Variants in MAGT1 observed in about 807,000 individuals in gnomAD.
MAGT1 encodes the protein magnesium transporter 1.
Under a neutral mutation model 28.4 loss-of-function variants are expected in MAGT1, and 4 were observed. The ratio of observed to expected loss-of-function variants is 0.14; its 90% CI spans 0.07 to 0.32. MAGT1 has a LOEUF of 0.32. MAGT1 is among the 10% of genes least tolerant of loss of function. The probability of loss-of-function intolerance (pLI) is 1.00; values close to 1 mark genes in which losing one functional copy is unlikely to be tolerated. For synonymous variants in MAGT1, 89 were observed against 89.7 expected (o/e 0.99, Z 0.04); for missense variants, 193 against 264.5 (o/e 0.73, Z 1.88).
intron 1 of MAGT1, among the ~76,000 whole-genome samples, chrX:77,887,815 A>G (rs1051891847): frequency 8.9e-6 from 1 of 112,235 alleles, no homozygotes; most frequent in Non-Finnish European, 1.9e-5. Context: ...TTTCCCGCTA[A>G]TAGTTTTTTT....
At chrX:77,889,947 C>T (rs1603365407) in intron 1 of MAGT1, among the ~76,000 whole-genome samples, 1 of 112,225 alleles carries the variant, frequency 8.9e-6, no homozygotes, top group African/African-American at 3.2e-5. Flanking sequence ...CCACCCCCAG[C>T]TTCTGGTAGC....
chrX:77,882,167 T>C (rs2077054632), intron 1 of MAGT1, among the ~76,000 whole-genome samples: 1 of 111,964 alleles, frequency 8.9e-6, no homozygotes, highest in Admixed American at 9.6e-5. Flanking sequence ...AAGAGCTATT[T>C]ATGACAAACC....
intron 3 of MAGT1, among the ~76,000 whole-genome samples, chrX:77,862,809 T>C (rs1217932375): frequency 9.0e-6 from 1 of 111,586 alleles, no homozygotes; most frequent in Non-Finnish European, 1.9e-5. Flanking sequence ...CTTTCTCTAA[T>C]AAATCTGCCT....
chrX:77,841,716 C>T (rs2076935262), intron 7 of MAGT1, among the ~76,000 whole-genome samples: 1 of 106,530 alleles, frequency 9.4e-6, no homozygotes, highest in Non-Finnish European at 1.9e-5. Flanking sequence ...GGCTCTGTCA[C>T]CCAGGCTGGA....
intron 8 of MAGT1, among the ~76,000 whole-genome samples, chrX:77,834,604 G>A (rs1039176912): frequency 1.8e-5 from 2 of 110,383 alleles, no homozygotes; most frequent in Admixed American, 2.0e-4. Context: ...AAAGCATTGG[G>A]ATTACAGGTG....
At chrX:77,876,230 C>T (rs2077034922) in intron 1 of MAGT1, among the ~76,000 whole-genome samples, 1 of 89,563 alleles carries the variant, frequency 1.1e-5, no homozygotes, top group Non-Finnish European at 2.1e-5. Context: ...TAGTCTTGAA[C>T]TCCTGGGCTC....
intron 1 of MAGT1, among the ~76,000 whole-genome samples, chrX:77,887,510 G>C (rs2077070900): frequency 9.0e-6 from 1 of 111,407 alleles, no homozygotes; most frequent in South Asian, 3.7e-4. Context: ...CCCATTATTT[G>C]GGTATGGAAA....
chrX:77,834,170 A>ATATACATGTGTG (rs1557213616), intron 8 of MAGT1, among the ~76,000 whole-genome samples: 1 of 101,662 alleles, frequency 9.8e-6, no homozygotes, highest in South Asian at 4.4e-4. Context: ...TACACCATAT[A>ATATACATGTGTG]TATATATATG....
At chrX:77,859,579 T>C (rs1345793039) in intron 3 of MAGT1, among the ~76,000 whole-genome samples, 1 of 111,908 alleles carries the variant, frequency 8.9e-6, no homozygotes, top group African/African-American at 3.2e-5. Context: ...TTAAAATGGA[T>C]ATAGTGCCCA....
intron 7 of MAGT1, among the ~76,000 whole-genome samples, chrX:77,842,103 T>C (rs1440739908): frequency 3.6e-5 from 4 of 109,679 alleles, no homozygotes; most frequent in Non-Finnish European, 7.6e-5. Context: ...TTCTGAAAAA[T>C]CTCTCCTGGC....
chrX:77,843,282 G>C (rs1010858460), intron 7 of MAGT1, among the ~76,000 whole-genome samples: 17 of 110,902 alleles, frequency 1.5e-4, no homozygotes, highest in African/African-American at 4.9e-4. Context: ...TGTCACCCAG[G>C]GTGGAGTGCA....
At chrX:77,860,739 G>A (rs1470374312) in intron 3 of MAGT1, among the ~76,000 whole-genome samples, 5 of 112,123 alleles carry the variant, frequency 4.5e-5, no homozygotes, top group Non-Finnish European at 9.4e-5. Context: ...CCAGGACTGC[G>A]CCACTGCGCT....
chrX:77,854,579 C>T (rs1279546065), intron 6 of MAGT1, among the ~76,000 whole-genome samples: 1 of 109,823 alleles, frequency 9.1e-6, no homozygotes, highest in African/African-American at 3.3e-5. Context: ...GAACTCCTGG[C>T]CTCAAGTGGT....
In MAGT1 at chrX:77,828,998, G is replaced by A; in HGVS notation, c.*222C>T. On this transcript the variant is annotated 3_prime_UTR_variant, in exon 10 of 10. Transcript: ENST00000618282. ...AATGTTCCATAAAGTTCACTGGGAA[G>A]AGAAGGTTAAGAGGATAATTATTTT... 2.8e-6 allele frequency: 1 copy of A among 353,543 alleles called. No individual in the cohort carries two copies. Among genetic ancestry groups the A allele is most frequent in the Non-Finnish European group, 5.0e-6 (1 of 198,093 alleles). The allele number at this position is 353,543 out of a possible 1,213,427, so 29.1% of individuals were successfully genotyped here.
intron 7 of MAGT1, among the ~76,000 whole-genome samples, chrX:77,846,844 C>T (rs781796791): frequency 8.9e-6 from 1 of 111,961 alleles, no homozygotes; most frequent in Non-Finnish European, 1.9e-5. Flanking sequence ...TCTGTCCCTA[C>T]TGGGGGATGC....
At chrX:77,889,614 G>A (rs1038229302) in intron 1 of MAGT1, among the ~76,000 whole-genome samples, 13 of 109,208 alleles carry the variant, frequency 1.2e-4, no homozygotes, top group African/African-American at 3.7e-4. Flanking sequence ...CTCGTGATCC[G>A]CCTGCCTCGG....
intron 9 of MAGT1, among the ~76,000 whole-genome samples, chrX:77,829,782 G>A (rs976879182): frequency 1.8e-5 from 2 of 111,415 alleles, no homozygotes; most frequent in Admixed American, 9.6e-5. Flanking sequence ...AAGTAGAGGC[G>A]AGAAGAAGTT....
intron 2 of MAGT1, among the ~76,000 whole-genome samples, chrX:77,873,857 C>T (rs1391357639): frequency 1.8e-5 from 2 of 111,419 alleles, no homozygotes; most frequent in East Asian, 5.6e-4. Flanking sequence ...CCAGAACTTA[C>T]CCCCCTCATC....
intron 1 of MAGT1, among the ~76,000 whole-genome samples, chrX:77,877,897 G>A (rs2077040321): frequency 9.1e-6 from 1 of 109,703 alleles, no homozygotes; most frequent in African/African-American, 3.3e-5. Flanking sequence ...AAATGCTGGT[G>A]AGGATGTGGA....
Sources: allele counts gnomAD v4.1 joint callset (sites outside exome capture counted in the v4.1 genomes callset), GRCh38; gene constraint gnomAD v4.1.1; transcripts MANE v1.5; gene names NCBI Gene and HGNC (gene_info 2026-07-23, HGNC 2026-07-21).